SHLD2: variants seen among roughly 807,000 people sequenced by gnomAD.
SHLD2 encodes the protein RINN1-REV7-interacting novel NHEJ regulator 2.
Under a neutral mutation model 73.2 loss-of-function variants are expected in SHLD2, and 30 were observed. That is an observed-to-expected ratio of 0.41 (90% CI 0.31 to 0.56). The LOEUF (loss-of-function observed/expected upper bound fraction) is 0.56, where lower values mean the gene tolerates loss of function less well. Ranked by LOEUF, SHLD2 falls within the 20% of genes least tolerant of loss-of-function variation. SHLD2 has a pLI of 0.28. For synonymous variants in SHLD2, 285 were observed against 370.1 expected (o/e 0.77, Z 2.64); for missense variants, 745 against 1,055.9 (o/e 0.71, Z 4.08).
chr10:87,101,038 T>A (rs968019488), intron 2 of SHLD2, among the ~76,000 whole-genome samples: 5 of 152,254 alleles, frequency 3.3e-5, no homozygotes, highest in Non-Finnish European at 7.3e-5. Flanking sequence ...TTAAAACTTC[T>A]CTCAGGACTG....
chr10:87,101,861 C>G (rs1564574752), intron 2 of SHLD2, among the ~76,000 whole-genome samples: 1 of 152,148 alleles, frequency 6.6e-6, no homozygotes, highest in Non-Finnish European at 1.5e-5. Context: ...TTGCAGTGAA[C>G]CGAGATAGTT....
chr10:87,185,456 A>G (rs1848560253), intron 8 of SHLD2, among the ~76,000 whole-genome samples: 1 of 152,214 alleles, frequency 6.6e-6, no homozygotes, highest in Non-Finnish European at 1.5e-5. Flanking sequence ...GCTGGGTCAT[A>G]TGGTAACTGT....
chr10:87,149,522 C>T (rs889378424), intron 2 of SHLD2, among the ~76,000 whole-genome samples: 2 of 151,576 alleles, frequency 1.3e-5, no homozygotes, highest in African/African-American at 2.4e-5. Context: ...CAGGAGTTTG[C>T]GACCAGCCTG....
At chr10:87,127,029 A>T (rs917143657) in intron 2 of SHLD2, among the ~76,000 whole-genome samples, 15 of 152,134 alleles carry the variant, frequency 9.9e-5, no homozygotes, top group African/African-American at 3.6e-4. Flanking sequence ...GGGAGCACAA[A>T]ATAAGTGGTT....
chr10:87,139,535 C>T (rs981413343), intron 2 of SHLD2, among the ~76,000 whole-genome samples: 10 of 151,928 alleles, frequency 6.6e-5, no homozygotes, highest in African/African-American at 2.2e-4. Context: ...TATGTTAATA[C>T]AAGTATTATA....
chr10:87,127,525 ACCCGCCCCCCCCCAC>A (rs1457833920), intron 2 of SHLD2, among the ~76,000 whole-genome samples: 3 of 29,002 alleles, frequency 1.0e-4, no homozygotes, highest in African/African-American at 2.4e-4. Flanking sequence ...TGTCCCTCTT[ACCCGCCCCCCCCCAC>A]CCCGTCTGCC....
In SHLD2 at chr10:87,158,199, A is replaced by G. The variant is rs1172491038; in HGVS notation, c.1633+44A>G. On this transcript the variant is annotated intron_variant, in intron 4 of 9. Coordinates refer to ENST00000298786, the MANE Select transcript of SHLD2 (RefSeq NM_001330112.2). ...GAAGTAATGTAGTAGTGTTTAAAGTATAAAAACATACTAGGAAAGATTAGG... is the reference window on the plus strand; with the variant it reads ...GAAGTAATGTAGTAGTGTTTAAAGTGTAAAAACATACTAGGAAAGATTAGG... 5 of 1,577,898 alleles carry G rather than the reference A, an allele frequency of 3.2e-6. No homozygotes were observed. In the East Asian group the frequency reaches 9.2e-5, roughly 29 times the overall value.
intron 2 of SHLD2, among the ~76,000 whole-genome samples, chr10:87,106,089 C>T (rs575365114): frequency 1.3e-5 from 2 of 152,144 alleles, no homozygotes; most frequent in East Asian, 3.9e-4. Context: ...CTGGAACCTC[C>T]GCCTCCTGGG....
At chr10:87,164,424 T>C (rs575854999) in intron 4 of SHLD2, among the ~76,000 whole-genome samples, 82 of 152,144 alleles carry the variant, frequency 5.4e-4, no homozygotes, top group African/African-American at 1.8e-3. Context: ...GGCTAATTTT[T>C]GTATTTCTTG....
At chr10:87,127,231 A>G (rs538617131) in intron 2 of SHLD2, among the ~76,000 whole-genome samples, 5 of 152,246 alleles carry the variant, frequency 3.3e-5, no homozygotes, top group East Asian at 3.9e-4. Flanking sequence ...GGAGAGCACA[A>G]TCTGTGCATA....
At chr10:87,134,396 G>T (rs1481050081) in intron 2 of SHLD2, among the ~76,000 whole-genome samples, 1 of 152,166 alleles carries the variant, frequency 6.6e-6, no homozygotes, top group East Asian at 1.9e-4. Flanking sequence ...CCATAGATGA[G>T]GGGAAAGGAG....
intron 4 of SHLD2, among the ~76,000 whole-genome samples, chr10:87,159,467 A>G (rs1246663921): frequency 1.3e-5 from 2 of 151,938 alleles, no homozygotes; most frequent in Admixed American, 6.6e-5. Flanking sequence ...AAGACAGACC[A>G]AAAAAAATGA....
At chr10:87,126,451 T>C (rs1262806798) in intron 2 of SHLD2, among the ~76,000 whole-genome samples, 1 of 152,124 alleles carries the variant, frequency 6.6e-6, no homozygotes, top group Non-Finnish European at 1.5e-5. Context: ...ATTTTGTTTT[T>C]TTGGCCATAG....
At chr10:87,096,057 T>C (rs1253176084) in intron 1 of SHLD2, among the ~76,000 whole-genome samples, 1 of 152,264 alleles carries the variant, frequency 6.6e-6, no homozygotes, top group Non-Finnish European at 1.5e-5. Flanking sequence ...ATTTATTTAT[T>C]TGAGATGGAA....
At chr10:87,177,897 A>G (rs554457666) in intron 7 of SHLD2, among the ~76,000 whole-genome samples, 1 of 152,198 alleles carries the variant, frequency 6.6e-6, no homozygotes, top group South Asian at 2.1e-4. Flanking sequence ...AAATTTACAA[A>G]ATGATAGGAT....
intron 2 of SHLD2, among the ~76,000 whole-genome samples, chr10:87,127,763 A>C (rs1181854757): frequency 6.6e-6 from 1 of 151,386 alleles, no homozygotes; most frequent in African/African-American, 2.4e-5. Context: ...TATGTGCATT[A>C]TCTCACTTAA....
At chr10:87,099,412 A>C (rs1842121249) in intron 2 of SHLD2, among the ~76,000 whole-genome samples, 1 of 152,322 alleles carries the variant, frequency 6.6e-6, no homozygotes, top group African/African-American at 2.4e-5. Context: ...TTCCTATAAA[A>C]GATGTATGTG....
chr10:87,139,230 A>G (rs1845011572), intron 2 of SHLD2, among the ~76,000 whole-genome samples: 1 of 151,934 alleles, frequency 6.6e-6, no homozygotes, highest in Non-Finnish European at 1.5e-5. Context: ...TAAATTAGCT[A>G]TAGACTAAAG....
chr10:87,169,846 A>G (rs1847463276), intron 4 of SHLD2, among the ~76,000 whole-genome samples: 1 of 152,176 alleles, frequency 6.6e-6, no homozygotes. Flanking sequence ...CAACACTTGA[A>G]AAATATTACA....
Sources: allele counts gnomAD v4.1 joint callset (sites outside exome capture counted in the v4.1 genomes callset), GRCh38; gene constraint gnomAD v4.1.1; transcripts MANE v1.5; gene names NCBI Gene and HGNC (gene_info 2026-07-23, HGNC 2026-07-21).